RAD51B: variants seen among roughly 807,000 people sequenced by gnomAD.
RAD51B encodes DNA repair protein RAD51 homolog 2.
Under a neutral mutation model 42.2 loss-of-function variants are expected in RAD51B, and 38 were observed. The observed-to-expected ratio is 0.90, with a 90% CI of 0.70 to 1.18. The LOEUF is 1.18. Ranked by LOEUF, RAD51B falls within the 50% of genes most tolerant of loss-of-function variation. The pLI, the probability that RAD51B is intolerant of heterozygous loss-of-function variation, is 0.00. For missense variants in RAD51B, 373 were observed against 400.7 expected, an observed-to-expected ratio of 0.93 and a Z score of 0.59; for synonymous variants, 154 against 145.2, an observed-to-expected ratio of 1.06 and a Z score of -0.43.
intron 8 of RAD51B, among the ~76,000 whole-genome samples, chr14:68,317,180 A>T (rs1284844416): frequency 1.3e-5 from 2 of 152,246 alleles, no homozygotes; most frequent in Non-Finnish European, 2.9e-5. Flanking sequence ...TACTTGAAAA[A>T]AAATGAGAAG....
intron 7 of RAD51B, among the ~76,000 whole-genome samples, chr14:68,260,691 C>T (rs1566766819): frequency 6.6e-6 from 1 of 152,138 alleles, no homozygotes; most frequent in Non-Finnish European, 1.5e-5. Context: ...TGAGGGTCTT[C>T]AAGAGAGAAG....
Position 68,673,380 on chromosome 14 carries a change from C to T in RAD51B, c.*11+22524C>T, listed in dbSNP as rs553113756. Among the ~76,000 whole-genome samples the T allele has an allele frequency of 2.1e-5, 3 of 142,234 alleles. No homozygotes were observed. In the East Asian group the frequency reaches 5.9e-4, roughly 28 times the overall value. The allele number at this position is 142,234 out of a possible 152,430, so 93.3% of individuals were successfully genotyped here. On this transcript the variant is annotated intron_variant, in intron 11 of 11. Transcript: ENST00000488612. ...CACATACATAAACACACTGTACACACAAATATATACATGCACACACATACA... is the reference window on the plus strand; with the variant it reads ...CACATACATAAACACACTGTACACATAAATATATACATGCACACACATACA...
At position 68,136,552 on chromosome 14, in the gene RAD51B, T is replaced by G. The variant is rs1428534638; in HGVS notation, c.757-155332T>G. 3.9e-4 allele frequency among the ~76,000 whole-genome samples: 12 copies of G among 31,064 alleles called. 2 individuals carry two copies. Among genetic ancestry groups the G allele is most frequent in the African/African-American group, 9.9e-4 (12 of 12,096 alleles). The allele number at this position is 31,064 out of a possible 152,430, so 20.4% of individuals were successfully genotyped here. ...GAGATCACACCACTGCACTGTAGTG[T>G]GGTGACAAATGAGACTCCATCTCAA... On this transcript the variant is annotated intron_variant, in intron 7 of 10. Transcript: ENST00000471583.
At chr14:68,023,807 G>C (rs60067288) in intron 7 of RAD51B, among the ~76,000 whole-genome samples, 1 of 147,344 alleles carries the variant, frequency 6.8e-6, no homozygotes, top group African/African-American at 2.5e-5. Flanking sequence ...TGTTTACTCT[G>C]TTGATAGTTT....
intron 10 of RAD51B, among the ~76,000 whole-genome samples, chr14:68,636,709 A>G (rs987717741): frequency 6.6e-6 from 1 of 152,074 alleles, no homozygotes; most frequent in African/African-American, 2.4e-5. Flanking sequence ...AGTCCTAGTG[A>G]GTCTTGAATG....
chr14:67,825,182 G>A (rs752719768), intron 2 of RAD51B, among the ~76,000 whole-genome samples: 3 of 151,012 alleles, frequency 2.0e-5, no homozygotes, highest in African/African-American at 7.3e-5. Flanking sequence ...CAAGTGTAGC[G>A]CTCATACGCA....
chr14:68,423,684 T>C (rs2084766039), intron 9 of RAD51B, among the ~76,000 whole-genome samples: 1 of 152,234 alleles, frequency 6.6e-6, no homozygotes, highest in Admixed American at 6.5e-5. Flanking sequence ...GCATGTTACT[T>C]GGAATTAATT....
intron 7 of RAD51B, among the ~76,000 whole-genome samples, chr14:68,146,026 G>A (rs2078240813): frequency 7.3e-6 from 1 of 137,606 alleles, no homozygotes. Context: ...TAGAAGTTAT[G>A]TTCAATATAA....
chr14:68,001,517 G>GTTTATTTA (rs553760604), intron 7 of RAD51B, among the ~76,000 whole-genome samples: 3 of 152,082 alleles, frequency 2.0e-5, no homozygotes, highest in African/African-American at 7.2e-5. Flanking sequence ...AGGTAATGGA[G>GTTTATTTA]TTTATTTATT....
chr14:68,198,138 A>G (rs778173721), intron 7 of RAD51B, among the ~76,000 whole-genome samples: 1 of 152,130 alleles, frequency 6.6e-6, no homozygotes, highest in South Asian at 2.1e-4. Context: ...TGAGGTAGCT[A>G]TCAAGGTTCA....
chr14:67,887,404 T>C, intron 7 of RAD51B, 200 bp downstream of exon 7: 1 of 429,988 alleles, frequency 2.3e-6, no homozygotes, highest in Non-Finnish European at 4.1e-6. Flanking sequence ...ATTTTATTAT[T>C]TTAATAATTT....
intron 7 of RAD51B, among the ~76,000 whole-genome samples, chr14:68,158,126 T>C (rs985159469): frequency 6.6e-6 from 1 of 152,162 alleles, no homozygotes; most frequent in African/African-American, 2.4e-5. Context: ...CCTTTTTTTT[T>C]CTTCTCCCAT....
At chr14:68,445,581 C>T (rs1312450096) in intron 9 of RAD51B, among the ~76,000 whole-genome samples, 2 of 152,086 alleles carry the variant, frequency 1.3e-5, no homozygotes, top group African/African-American at 4.8e-5. Flanking sequence ...AATTATTCAC[C>T]AATTTAAGGT....
intron 9 of RAD51B, among the ~76,000 whole-genome samples, chr14:68,448,684 A>G (rs2085480288): frequency 6.6e-6 from 1 of 152,188 alleles, no homozygotes; most frequent in Non-Finnish European, 1.5e-5. Context: ...ATTTTGGCAT[A>G]GTCTGCTTTC....
At chr14:67,947,412 A>G (rs996972867) in intron 7 of RAD51B, among the ~76,000 whole-genome samples, 2 of 152,222 alleles carry the variant, frequency 1.3e-5, no homozygotes, top group African/African-American at 4.8e-5. Flanking sequence ...TACATCAATT[A>G]TAAATTTCAT....
downstream of RAD51B, among the ~76,000 whole-genome samples, chr14:68,596,984 G>A (rs548691218): frequency 8.5e-5 from 13 of 152,148 alleles, no homozygotes; most frequent in Non-Finnish European, 1.3e-4. Flanking sequence ...GGCTTTTCTC[G>A]GCCAGCTTGT....
intron 7 of RAD51B, among the ~76,000 whole-genome samples, chr14:68,267,812 G>C (rs2081022473): frequency 6.6e-6 from 1 of 152,164 alleles, no homozygotes; most frequent in Admixed American, 6.5e-5. Flanking sequence ...AAAAATGTTA[G>C]TGGCTGCTGT....
intron 5 of RAD51B, among the ~76,000 whole-genome samples, chr14:67,872,476 G>A (rs1390729124): frequency 6.7e-6 from 1 of 148,150 alleles, no homozygotes; most frequent in Non-Finnish European, 1.5e-5. Context: ...ATGCTCACGG[G>A]TAGGAAGAAT....
At chr14:68,633,151 A>G (rs1043800106) in intron 10 of RAD51B, among the ~76,000 whole-genome samples, 1 of 151,410 alleles carries the variant, frequency 6.6e-6, no homozygotes, top group Non-Finnish European at 1.5e-5. Flanking sequence ...GAGGACACCA[A>G]TGCCATTGCC....
Sources: allele counts gnomAD v4.1 joint callset (sites outside exome capture counted in the v4.1 genomes callset), GRCh38; gene constraint gnomAD v4.1.1; transcripts MANE v1.5; gene names NCBI Gene and HGNC (gene_info 2026-07-23, HGNC 2026-07-21).